C9orf85: variants seen among roughly 807,000 people sequenced by gnomAD.
C9orf85 encodes the protein uncharacterized protein C9orf85.
A neutral mutation model predicts 14.9 loss-of-function variants in C9orf85; 16 were observed. The observed-to-expected ratio is 1.08, with a 90% CI of 0.73 to 1.63. The LOEUF is 1.63. Among genes scored for constraint, C9orf85 ranks in the 40% most tolerant of loss-of-function variants. C9orf85 has a pLI of 0.00. For synonymous variants in C9orf85, 45 were observed against 56.8 expected (o/e 0.79, Z 0.93); for missense variants, 172 against 186.1 (o/e 0.92, Z 0.44).
At chr9:71,971,184 T>C (rs552176856) in intron 2 of C9orf85, among the ~76,000 whole-genome samples, 1 of 152,354 alleles carries the variant, frequency 6.6e-6, no homozygotes, top group Admixed American at 6.5e-5. Flanking sequence ...TTTATTCCTT[T>C]ATTCTTTGGT....
intron 2 of C9orf85, among the ~76,000 whole-genome samples, chr9:71,958,859 AG>A (rs1564096103): frequency 6.6e-6 from 1 of 152,150 alleles, no homozygotes; most frequent in Admixed American, 6.6e-5. Flanking sequence ...CCAGAATCTA[AG>A]CCCCCATTCT....
intron 2 of C9orf85, among the ~76,000 whole-genome samples, chr9:71,948,436 A>T (rs1422181724): frequency 6.6e-6 from 1 of 151,518 alleles, no homozygotes; most frequent in East Asian, 1.9e-4. Flanking sequence ...AGCTTTTTAG[A>T]TTTTTTTTTC....
At chr9:71,923,155 T>C (rs912255646) in intron 1 of C9orf85, among the ~76,000 whole-genome samples, 7 of 152,240 alleles carry the variant, frequency 4.6e-5, no homozygotes, top group African/African-American at 1.7e-4. Context: ...ACCATCCATC[T>C]GGTTTCCATA....
At chr9:71,943,906 T>C (rs1461903309) in intron 1 of C9orf85, among the ~76,000 whole-genome samples, 1 of 151,222 alleles carries the variant, frequency 6.6e-6, no homozygotes, top group African/African-American at 2.4e-5. Context: ...ACAAATAGAA[T>C]GCTTAAAGCA....
chr9:71,980,140 G>A (rs1055712078), intron 3 of C9orf85, among the ~76,000 whole-genome samples: 2 of 151,050 alleles, frequency 1.3e-5, no homozygotes, highest in African/African-American at 4.9e-5. Flanking sequence ...CAGCCTTCAG[G>A]GTAGCTAGGA....
intron 3 of C9orf85, chr9:71,982,625 T>C (rs956617982): frequency 2.5e-6 from 1 of 396,266 alleles, no homozygotes; most frequent in African/African-American, 2.3e-5. Context: ...TTTTAATTTG[T>C]ATATTTCTTT....
rs914061987 is a variant in C9orf85 at position 71,932,615 on chromosome 9, T to G, written c.103-14391T>G. Reference sequence around the variant, plus strand: ...ATCTTTATGAGACAATCTACGATAATAAAAAACAAAACAAAAAGAAGCAAA... The same window carrying G: ...ATCTTTATGAGACAATCTACGATAAGAAAAAACAAAACAAAAAGAAGCAAA... On this transcript the variant is annotated intron_variant, in intron 1 of 3. Coordinates refer to ENST00000334731, the MANE Select transcript of C9orf85 (RefSeq NM_182505.5). Among the ~76,000 whole-genome samples the G allele has an allele frequency of 2.3e-4, 35 of 152,020 alleles. No homozygotes were observed. The South Asian group carries it at 3.3e-3, about 14-fold the overall frequency.
chr9:71,947,122 G>C lies in C9orf85; in HGVS notation c.209+10G>C, dbSNP rs1224549701. 6.4e-7 allele frequency: 1 copy of C among 1,556,916 alleles called. No homozygotes were observed. The highest frequency in any genetic ancestry group is 8.8e-7 in the Non-Finnish European group (1 of 1,130,302). ...CAAAACCTAAAAAGTGGTGAGTTAA[G>C]ATTCTTCATTACCTTACTTGGTGGT... is the stretch of plus-strand genomic sequence containing the variant. On this transcript the variant is annotated intron_variant, in intron 2 of 3. Transcript: ENST00000334731.
chr9:71,977,239 C>T (rs1410244665), downstream of C9orf85, among the ~76,000 whole-genome samples: 3 of 151,884 alleles, frequency 2.0e-5, no homozygotes, highest in African/African-American at 7.3e-5. Context: ...AAGTTAATTA[C>T]ACGTCTCATT....
intron 1 of C9orf85, among the ~76,000 whole-genome samples, chr9:71,935,978 T>C (rs1209514859): frequency 1.3e-5 from 2 of 151,850 alleles, no homozygotes; most frequent in Non-Finnish European, 2.9e-5. Context: ...CATCTTCTGT[T>C]TGAGAGGCCA....
chr9:71,957,935 A>G (rs995368460), intron 2 of C9orf85, among the ~76,000 whole-genome samples: 6 of 152,170 alleles, frequency 3.9e-5, no homozygotes, highest in African/African-American at 1.4e-4. Flanking sequence ...TTGGTATTAT[A>G]GAACCTTTAC....
downstream of C9orf85, among the ~76,000 whole-genome samples, chr9:71,975,395 C>G (rs983086069): frequency 1.4e-5 from 2 of 146,460 alleles, no homozygotes; most frequent in East Asian, 2.0e-4. Context: ...GAGCCAAGAT[C>G]GCGCCATTGC....
chr9:71,950,940 C>T (rs1042958020), intron 2 of C9orf85, among the ~76,000 whole-genome samples: 1 of 152,028 alleles, frequency 6.6e-6, no homozygotes, highest in African/African-American at 2.4e-5. Context: ...CACCAAAAAC[C>T]GCGTGTTAAT....
downstream of C9orf85, chr9:71,985,632 TAA>T (rs1289613201): frequency 6.6e-6 from 1 of 152,284 alleles, no homozygotes; most frequent in Non-Finnish European, 1.5e-5. Flanking sequence ...GCAACTTTTA[TAA>T]CCTACCAATC....
intron 2 of C9orf85, among the ~76,000 whole-genome samples, chr9:71,961,374 AC>A (rs1252222484): frequency 1.3e-5 from 2 of 152,018 alleles, no homozygotes; most frequent in African/African-American, 4.8e-5. Context: ...AGCCTGGCCA[AC>A]ATAAGTGAAA....
downstream of C9orf85, among the ~76,000 whole-genome samples, chr9:71,977,217 A>T (rs201523668): frequency 6.4e-5 from 1 of 15,632 alleles, no homozygotes; most frequent in Non-Finnish European, 1.1e-4. Context: ...CTTTTGTTGT[A>T]AAAAAAAAAA....
At chr9:71,929,423 G>A (rs191953858) in intron 1 of C9orf85, among the ~76,000 whole-genome samples, 39 of 152,254 alleles carry the variant, frequency 2.6e-4, no homozygotes, top group Non-Finnish European at 4.1e-4. Flanking sequence ...CTATGCAATT[G>A]CTGCTTTAGT....
chr9:71,936,943 G>C (rs1163522234), intron 1 of C9orf85, among the ~76,000 whole-genome samples: 3 of 151,714 alleles, frequency 2.0e-5, no homozygotes, highest in African/African-American at 7.3e-5. Flanking sequence ...TTTTTTTGTA[G>C]AAACGGGATC....
intron 1 of C9orf85, among the ~76,000 whole-genome samples, chr9:71,941,571 T>G (rs1395528048): frequency 6.6e-6 from 1 of 152,208 alleles, no homozygotes; most frequent in Non-Finnish European, 1.5e-5. Context: ...AAATCCAGAA[T>G]GTAGGATATT....
Sources: gnomAD v4.1 joint callset for allele counts (sites outside exome capture counted in the v4.1 genomes callset) on GRCh38, gnomAD v4.1.1 for gene constraint, MANE v1.5 for transcripts, NCBI Gene and HGNC (gene_info 2026-07-23, HGNC 2026-07-21) for gene names.